The following TMEM181 variants were observed in gnomAD, a reference collection of about 807,000 sequenced individuals.
TMEM181 encodes G protein-coupled receptor 178.
Under a neutral mutation model 71.9 loss-of-function variants are expected in TMEM181, and 39 were observed. The observed-to-expected ratio is 0.54, with a 90% CI of 0.42 to 0.71. The LOEUF is 0.71. TMEM181 is among the 30% of genes least tolerant of loss of function. The pLI is 0.00. For synonymous variants in TMEM181, 245 were observed against 228.8 expected, an observed-to-expected ratio of 1.07 and a Z score of -0.64; for missense variants, 595 against 583.0, an observed-to-expected ratio of 1.02 and a Z score of -0.21.
intron 10 of TMEM181, among the ~76,000 whole-genome samples, chr6:158,616,991 G>C (rs1387670509): frequency 6.6e-6 from 1 of 152,134 alleles, no homozygotes; most frequent in African/African-American, 2.4e-5. Flanking sequence ...GATGATGCTG[G>C]CCTCATAAAA....
upstream of TMEM181, among the ~76,000 whole-genome samples, chr6:158,556,938 T>A (rs1376875223): frequency 1.3e-5 from 2 of 152,146 alleles, no homozygotes; most frequent in African/African-American, 4.8e-5. Flanking sequence ...AATTTTTGTA[T>A]TTTGTTGGCC....
intron 3 of TMEM181, among the ~76,000 whole-genome samples, chr6:158,583,575 C>T (rs12207152): frequency 0.26 from 38,911 of 152,038 alleles, 5,126 homozygotes; most frequent in Middle Eastern, 0.32. Flanking sequence ...CCGAGGTGGG[C>T]GGATCACCAG....
At chr6:158,581,846 T>C (rs1414478403) in intron 3 of TMEM181, among the ~76,000 whole-genome samples, 1 of 150,570 alleles carries the variant, frequency 6.6e-6, no homozygotes, top group Non-Finnish European at 1.5e-5. Context: ...TTTCCTTGAA[T>C]AAATACTAAC....
In TMEM181 at chr6:158,635,223, T is replaced by C. The variant is rs1786892585; in HGVS notation, c.*3335T>C. 1 of 152,158 alleles carries C rather than the reference T, an allele frequency of 6.6e-6. No individual in the cohort carries two copies. Among genetic ancestry groups the C allele is most frequent in the Admixed American group, 6.5e-5 (1 of 15,274 alleles). 9.4% of individuals were successfully genotyped at this position (152,158 alleles called of 1,614,324 possible). On this transcript the variant is annotated 3_prime_UTR_variant, in exon 17 of 17. Coordinates refer to ENST00000684151, the MANE Select transcript of TMEM181 (RefSeq NM_001376852.1). ...AAAATGACTGTAAATATTTGTAAAA[T>C]AAAATAACACTAAACTTTAAGCCCA...
rs1007305288 is a variant in TMEM181 at position 158,606,276 on chromosome 6, G to T, written c.573+929G>T. On this transcript the variant is annotated intron_variant, in intron 7 of 16. Coordinates refer to ENST00000684151, the MANE Select transcript of TMEM181 (RefSeq NM_001376852.1). ...GCCACAGGGAGCTGGAGGGAAGGGC[G>T]TGGGCGCTAGAGCCACAGGGAGCTG... 9.9e-5 allele frequency among the ~76,000 whole-genome samples: 15 copies of T among 151,494 alleles called. 1 individual carries two copies. The highest frequency in any genetic ancestry group is 1.2e-4 in the Non-Finnish European group (8 of 67,744).
intron 1 of TMEM181, among the ~76,000 whole-genome samples, chr6:158,552,961 G>A (rs1359421936): frequency 2.0e-5 from 3 of 152,238 alleles, no homozygotes; most frequent in African/African-American, 2.4e-5. Context: ...AGGCTGATGC[G>A]GGAGGATCAC....
intron 2 of TMEM181, among the ~76,000 whole-genome samples, chr6:158,577,913 A>C (rs1018699175): frequency 6.6e-6 from 1 of 152,174 alleles, no homozygotes; most frequent in Non-Finnish European, 1.5e-5. Context: ...CAAGGTGGAG[A>C]AACCCCATTT....
chr6:158,585,565 A>C, intron 5 of TMEM181, 140 bp downstream of exon 5: 1 of 1,137,738 alleles, frequency 8.8e-7, no homozygotes, highest in Non-Finnish European at 1.2e-6. Flanking sequence ...GAGTCATACC[A>C]AAGATGGCAT....
intron 6 of TMEM181, among the ~76,000 whole-genome samples, chr6:158,604,191 C>T (rs1042107052): frequency 3.3e-5 from 5 of 152,194 alleles, no homozygotes; most frequent in Admixed American, 6.5e-5. Flanking sequence ...CCCTGGACTC[C>T]CAGCCGTGGC....
At chr6:158,541,806 C>T (rs186170636) in intron 1 of TMEM181, among the ~76,000 whole-genome samples, 1 of 148,760 alleles carries the variant, frequency 6.7e-6, no homozygotes, top group African/African-American at 2.5e-5. Flanking sequence ...TTGGGTACAC[C>T]TCAGTGTAAC....
intron 2 of TMEM181, among the ~76,000 whole-genome samples, chr6:158,576,380 T>A (rs1044730405): frequency 9.2e-5 from 14 of 152,152 alleles, no homozygotes; most frequent in Non-Finnish European, 1.9e-4. Context: ...TTTGACGAAG[T>A]AAGAATGGCT....
chr6:158,612,394 C>T (rs1364566609), intron 10 of TMEM181, among the ~76,000 whole-genome samples: 1 of 152,128 alleles, frequency 6.6e-6, no homozygotes, highest in African/African-American at 2.4e-5. Flanking sequence ...CCCTTGGTCT[C>T]GGATTGACTG....
chr6:158,590,848 T>G (rs760702358), intron 6 of TMEM181, among the ~76,000 whole-genome samples: 5 of 152,218 alleles, frequency 3.3e-5, no homozygotes, highest in Non-Finnish European at 7.3e-5. Flanking sequence ...AACCTGTTAG[T>G]GATCATTTCC....
upstream of TMEM181, among the ~76,000 whole-genome samples, chr6:158,555,951 A>G (rs1024840594): frequency 3.9e-5 from 6 of 152,262 alleles, no homozygotes; most frequent in Non-Finnish European, 8.8e-5. Context: ...CAGTGTAGTC[A>G]CAAGCTTTAA....
At chr6:158,572,291 C>T in intron 1 of TMEM181, 1 of 371,256 alleles carries the variant, frequency 2.7e-6, no homozygotes, top group Non-Finnish European at 5.3e-6. Context: ...AGTAACCTTC[C>T]TGCAGGGCCA....
intron 1 of TMEM181, among the ~76,000 whole-genome samples, chr6:158,543,400 C>T (rs1027315352): frequency 2.6e-5 from 4 of 152,146 alleles, no homozygotes; most frequent in African/African-American, 9.7e-5. Flanking sequence ...GACCTCGTTC[C>T]CCAGATATGG....
chr6:158,558,436 C>T (rs1562618708), upstream of TMEM181, among the ~76,000 whole-genome samples: 1 of 152,204 alleles, frequency 6.6e-6, no homozygotes, highest in South Asian at 2.1e-4. Context: ...ATTCTAGAAT[C>T]GGGCAGCCCT....
At chr6:158,605,970 C>T (rs1475839031) in intron 7 of TMEM181, among the ~76,000 whole-genome samples, 1 of 152,200 alleles carries the variant, frequency 6.6e-6, no homozygotes, top group Admixed American at 6.5e-5. Context: ...GTGTGGCGTT[C>T]TGCCTGCATC....
At chr6:158,622,895 T>A (rs9456333) in intron 10 of TMEM181, among the ~76,000 whole-genome samples, 3,601 of 152,302 alleles carry the variant, frequency 0.024, 74 homozygotes, top group South Asian at 0.043. Context: ...GTCCACACAC[T>A]TTCAAGCCCT....
Sources: allele counts gnomAD v4.1 joint callset (sites outside exome capture counted in the v4.1 genomes callset), GRCh38; gene constraint gnomAD v4.1.1; transcripts MANE v1.5; gene names NCBI Gene and HGNC (gene_info 2026-07-23, HGNC 2026-07-21).